LRRC1: variants seen among roughly 807,000 people sequenced by gnomAD.
LRRC1 encodes leucine-rich repeat-containing protein 1.
In LRRC1, 28 loss-of-function variants were observed where a neutral mutation model predicts 69.9. The observed-to-expected ratio is 0.40, with a 90% CI of 0.30 to 0.55. The LOEUF is 0.55. LRRC1 is among the 20% of genes least tolerant of loss of function. The probability of loss-of-function intolerance (pLI) is 0.47; values close to 1 mark genes in which losing one functional copy is unlikely to be tolerated. For synonymous variants in LRRC1, 236 were observed against 240.2 expected, an observed-to-expected ratio of 0.98 and a Z score of 0.16; for missense variants, 498 against 609.0, an observed-to-expected ratio of 0.82 and a Z score of 1.92.
rs574164862 is a variant in LRRC1 at position 53,843,044 on chromosome 6, T to C, written c.277+817T>C. 2.3e-4 allele frequency among the ~76,000 whole-genome samples: 35 copies of C among 152,324 alleles called. No individual in the cohort carries two copies. The South Asian group carries it at 7.2e-3, about 32-fold the overall frequency. ...GCTGGTACTGCTCCTTGTTGTAGCA[T>C]ATTTGATTTATTAAATTAACGTAGC... On this transcript the variant is annotated intron_variant, in intron 2 of 13. Transcript: ENST00000370888.
intron 1 of LRRC1, among the ~76,000 whole-genome samples, chr6:53,832,126 G>T (rs1765444703): frequency 6.6e-6 from 1 of 152,130 alleles, no homozygotes; most frequent in African/African-American, 2.4e-5. Context: ...CTATTGGTAT[G>T]ATGTGACTGA....
At chr6:53,812,428 C>T (rs1011194057) in intron 1 of LRRC1, among the ~76,000 whole-genome samples, 1 of 151,956 alleles carries the variant, frequency 6.6e-6, no homozygotes, top group African/African-American at 2.4e-5. Flanking sequence ...CGGTGGCTCA[C>T]GCCTGTAATC....
chr6:53,880,408 A>G (rs1353540378), intron 3 of LRRC1, among the ~76,000 whole-genome samples: 2 of 152,158 alleles, frequency 1.3e-5, no homozygotes, highest in African/African-American at 4.8e-5. Context: ...CATCTCTATA[A>G]GATAAAGTCA....
chr6:53,904,152 A>C (rs1476942885), intron 9 of LRRC1, among the ~76,000 whole-genome samples: 1 of 152,238 alleles, frequency 6.6e-6, no homozygotes, highest in Non-Finnish European at 1.5e-5. Context: ...CCAGGTCTCT[A>C]CTTTTGACTT....
At chr6:53,810,433 A>G (rs1764758280) in intron 1 of LRRC1, among the ~76,000 whole-genome samples, 1 of 152,160 alleles carries the variant, frequency 6.6e-6, no homozygotes, top group South Asian at 2.1e-4. Flanking sequence ...ATCTTGGCTA[A>G]CATGGTGAAA....
At chr6:53,899,982 C>T (rs1581909817) in intron 8 of LRRC1, 91 bp downstream of exon 8, 1 of 961,240 alleles carries the variant, frequency 1.0e-6, no homozygotes, top group African/African-American at 1.8e-5. Context: ...TCACCACTTT[C>T]AGATGCTGAG....
At chr6:53,921,944 A>G (rs116287594) in intron 13 of LRRC1, among the ~76,000 whole-genome samples, 2,956 of 152,304 alleles carry the variant, frequency 0.019, 49 homozygotes, top group South Asian at 0.038. Context: ...TTGTTAACCT[A>G]GTTTGGTTCC....
chr6:53,900,198 C>G (rs1051404710), intron 8 of LRRC1, among the ~76,000 whole-genome samples: 1 of 151,922 alleles, frequency 6.6e-6, no homozygotes, highest in African/African-American at 2.4e-5. Context: ...CCACCACGCC[C>G]GGGTAATTTT....
intron 1 of LRRC1, among the ~76,000 whole-genome samples, chr6:53,818,094 T>C (rs1489338410): frequency 6.6e-6 from 1 of 152,248 alleles, no homozygotes; most frequent in East Asian, 1.9e-4. Context: ...TTTCCAGGTC[T>C]GTGCTTCCTT....
intron 2 of LRRC1, among the ~76,000 whole-genome samples, chr6:53,849,608 C>T (rs1445065309): frequency 6.6e-6 from 1 of 152,196 alleles, no homozygotes; most frequent in African/African-American, 2.4e-5. Flanking sequence ...AAACAGCGCT[C>T]TCCTCTTACT....
At chr6:53,845,789 T>G (rs995132334) in intron 2 of LRRC1, among the ~76,000 whole-genome samples, 8 of 152,192 alleles carry the variant, frequency 5.3e-5, no homozygotes, top group African/African-American at 1.9e-4. Context: ...TCTGTATTGC[T>G]AAGAAGCTCC....
At chr6:53,817,600 C>G (rs1764989130) in intron 1 of LRRC1, among the ~76,000 whole-genome samples, 1 of 152,030 alleles carries the variant, frequency 6.6e-6, no homozygotes, top group Non-Finnish European at 1.5e-5. Context: ...TCTTTGTACC[C>G]CCTTAAGAAT....
chr6:53,920,088 C>G (rs968706982), intron 12 of LRRC1, among the ~76,000 whole-genome samples: 1 of 152,134 alleles, frequency 6.6e-6, no homozygotes, highest in Non-Finnish European at 1.5e-5. Context: ...ACAAAAAATT[C>G]ACAGTAACAG....
chr6:53,844,503 A>G (rs1765880118), intron 2 of LRRC1, among the ~76,000 whole-genome samples: 1 of 152,148 alleles, frequency 6.6e-6, no homozygotes, highest in South Asian at 2.1e-4. Context: ...CTTTTCAAAC[A>G]TTTGTAGCTA....
At chr6:53,838,007 TG>T (rs1346903210) in intron 1 of LRRC1, among the ~76,000 whole-genome samples, 2 of 152,216 alleles carry the variant, frequency 1.3e-5, no homozygotes, top group Non-Finnish European at 2.9e-5. Flanking sequence ...GTCACATGGT[TG>T]CACTGCACTG....
At chr6:53,811,569 C>T (rs998170334) in intron 1 of LRRC1, among the ~76,000 whole-genome samples, 2 of 152,212 alleles carry the variant, frequency 1.3e-5, no homozygotes, top group African/African-American at 4.8e-5. Context: ...TTGACTAAAA[C>T]CTCAGTTGTA....
chr6:53,871,123 T>C (rs1249876329), intron 2 of LRRC1, among the ~76,000 whole-genome samples: 2 of 152,246 alleles, frequency 1.3e-5, no homozygotes, highest in African/African-American at 4.8e-5. Context: ...ATCTTTGATA[T>C]GCTAATTTCA....
intron 1 of LRRC1, among the ~76,000 whole-genome samples, chr6:53,835,067 T>G (rs965245025): frequency 2.6e-5 from 4 of 152,262 alleles, no homozygotes; most frequent in Non-Finnish European, 4.4e-5. Flanking sequence ...CTACCAATTC[T>G]GTGCATTTTT....
At chr6:53,921,593 C>G (rs1768744494) in intron 13 of LRRC1, among the ~76,000 whole-genome samples, 1 of 152,210 alleles carries the variant, frequency 6.6e-6, no homozygotes, top group African/African-American at 2.4e-5. Flanking sequence ...AATTTCGTCT[C>G]TCAGACATCC....
Sources: gnomAD v4.1 joint callset for allele counts (sites outside exome capture counted in the v4.1 genomes callset) on GRCh38, gnomAD v4.1.1 for gene constraint, MANE v1.5 for transcripts, NCBI Gene and HGNC (gene_info 2026-07-23, HGNC 2026-07-21) for gene names.